FUT9: variants seen among roughly 807,000 people sequenced by gnomAD.
The protein encoded by FUT9 is 4-galactosyl-N-acetylglucosaminide 3-alpha-L-fucosyltransferase 9.
FUT9 carries 15 observed loss-of-function variants against 29.7 expected under a neutral mutation model. The ratio of observed to expected loss-of-function variants is 0.51; its 90% CI spans 0.34 to 0.78. The LOEUF is 0.78. Among genes scored for constraint, FUT9 ranks in the 30% least tolerant of loss-of-function variants. The pLI, the probability that FUT9 is intolerant of heterozygous loss-of-function variation, is 0.01. For missense variants in FUT9, 319 were observed against 425.4 expected (o/e 0.75, Z 2.20); for synonymous variants, 169 against 153.7 (o/e 1.10, Z -0.74).
At chr6:96,077,439 AT>A in intron 1 of FUT9, among the ~76,000 whole-genome samples, 1 of 152,118 alleles carries the variant, frequency 6.6e-6, no homozygotes, top group African/African-American at 2.4e-5. Context: ...AACTGTTCCT[AT>A]TTTTCCATAG....
chr6:96,036,711 C>G (rs564259088), intron 1 of FUT9: 4 of 151,794 alleles, frequency 2.6e-5, no homozygotes, highest in Non-Finnish European at 5.9e-5. Flanking sequence ...GATTAAAAAC[C>G]ATTGCTGTGG....
chr6:96,039,178 C>A (rs992207742), intron 1 of FUT9, among the ~76,000 whole-genome samples: 2 of 151,974 alleles, frequency 1.3e-5, no homozygotes, highest in African/African-American at 4.8e-5. Context: ...GATGTTTATT[C>A]AATTGAACTG....
Position 96,019,027 on chromosome 6 carries a change from G to C in FUT9, c.-98+2815G>C, listed in dbSNP as rs571414281. Among the ~76,000 whole-genome samples, 55 of 151,616 alleles carry C rather than the reference G, an allele frequency of 3.6e-4. 1 individual carries two copies. The South Asian group carries it at 4.2e-3, about 12-fold the overall frequency. ...AATTGTTTTCCCACTTGAATTTTAG[G>C]ATATGACTCCTTAATTATAGCAATA... On this transcript the variant is annotated intron_variant, in intron 1 of 2. Coordinates refer to ENST00000302103, the MANE Select transcript of FUT9 (RefSeq NM_006581.4).
intron 2 of FUT9, among the ~76,000 whole-genome samples, chr6:96,163,598 T>A (rs1294180562): frequency 1.3e-5 from 2 of 151,986 alleles, no homozygotes; most frequent in African/African-American, 4.8e-5. Context: ...GCCGATTTCC[T>A]TTTTTTTGTC....
intron 2 of FUT9, among the ~76,000 whole-genome samples, chr6:96,141,238 A>T (rs927118545): frequency 1.2e-4 from 19 of 152,220 alleles, no homozygotes; most frequent in Non-Finnish European, 1.8e-4. Flanking sequence ...TTAATGATAA[A>T]ATCTAGACAG....
At chr6:96,122,488 T>C (rs1479023539) in intron 2 of FUT9, among the ~76,000 whole-genome samples, 2 of 152,336 alleles carry the variant, frequency 1.3e-5, no homozygotes, top group East Asian at 3.9e-4. Context: ...ATTATTTGCC[T>C]ATGTTTCCTT....
intron 2 of FUT9, among the ~76,000 whole-genome samples, chr6:96,193,521 T>C (rs1205002874): frequency 1.3e-5 from 2 of 151,564 alleles, no homozygotes; most frequent in Non-Finnish European, 2.9e-5. Context: ...TCACACCAGT[T>C]AGAATGGCAA....
At chr6:96,181,784 T>G (rs1773313887) in intron 2 of FUT9, among the ~76,000 whole-genome samples, 1 of 152,060 alleles carries the variant, frequency 6.6e-6, no homozygotes, top group East Asian at 1.9e-4. Flanking sequence ...CTGAGTAGTA[T>G]TCCACCGTAT....
At chr6:96,126,095 C>T (rs1772129051) in intron 2 of FUT9, among the ~76,000 whole-genome samples, 1 of 152,216 alleles carries the variant, frequency 6.6e-6, no homozygotes, top group South Asian at 2.1e-4. Flanking sequence ...CTCATGTCGG[C>T]GCAGGTTAAA....
chr6:96,185,446 T>C (rs1348078556), intron 2 of FUT9, among the ~76,000 whole-genome samples: 1 of 152,078 alleles, frequency 6.6e-6, no homozygotes, highest in African/African-American at 2.4e-5. Flanking sequence ...GGCAGGTATA[T>C]GAATAATGTG....
intron 2 of FUT9, among the ~76,000 whole-genome samples, chr6:96,136,856 A>G (rs1772357878): frequency 6.6e-6 from 1 of 152,048 alleles, no homozygotes; most frequent in Non-Finnish European, 1.5e-5. Flanking sequence ...AATTTCACAA[A>G]TAACAAATTT....
At chr6:96,167,310 C>G (rs886910670) in intron 2 of FUT9, among the ~76,000 whole-genome samples, 5 of 152,042 alleles carry the variant, frequency 3.3e-5, no homozygotes, top group African/African-American at 1.2e-4. Flanking sequence ...CCTTGGCCAA[C>G]CTGATGGCAA....
intron 1 of FUT9, among the ~76,000 whole-genome samples, chr6:96,110,408 G>A (rs1771777636): frequency 6.6e-6 from 1 of 152,102 alleles, no homozygotes; most frequent in Non-Finnish European, 1.5e-5. Context: ...ATGCCACAGG[G>A]CCTCCTTGAC....
Position 96,211,320 on chromosome 6 carries a change from T to C in FUT9, c.*7085T>C, listed in dbSNP as rs1425454151. On this transcript the variant is annotated 3_prime_UTR_variant, in exon 3 of 3. Coordinates refer to ENST00000302103, the MANE Select transcript of FUT9 (RefSeq NM_006581.4). The stretch of plus-strand genomic sequence containing the variant: ...TTATGAGCAATCAGTAAATTTGTAG[T>C]CAATTTAACTTATTATCAGTTGGTA... The C allele has an allele frequency of 6.0e-6, 1 of 166,754 alleles. No individual in the cohort carries two copies. The highest frequency in any genetic ancestry group is 1.5e-5 in the Non-Finnish European group (1 of 67,978). The allele number at this position is 166,754 out of a possible 1,614,324, so 10.3% of individuals were successfully genotyped here.
chr6:96,210,665 A>G lies in FUT9; in HGVS notation c.*6430A>G, dbSNP rs998744405. The G allele has an allele frequency of 2.4e-5, 4 of 166,936 alleles. No homozygotes were observed. Among genetic ancestry groups the G allele is most frequent in the African/African-American group, 9.7e-5 (4 of 41,442 alleles). The allele number at this position is 166,936 out of a possible 1,614,324, so 10.3% of individuals were successfully genotyped here. A position where few individuals can be genotyped will look rare whatever the true frequency, so the allele number is the denominator to read the frequency against. On this transcript the variant is annotated 3_prime_UTR_variant, in exon 3 of 3. Coordinates refer to ENST00000302103, the MANE Select transcript of FUT9 (RefSeq NM_006581.4). ...ATGTTTATATTTTGCAACAGGAAAGACTGGTCTAGACAATTACTAGGATAT... is the reference window on the plus strand; with the variant it reads ...ATGTTTATATTTTGCAACAGGAAAGGCTGGTCTAGACAATTACTAGGATAT...
intron 2 of FUT9, among the ~76,000 whole-genome samples, chr6:96,180,840 C>T (rs928570608): frequency 6.6e-6 from 1 of 151,332 alleles, no homozygotes; most frequent in Non-Finnish European, 1.5e-5. Flanking sequence ...TGTTGATGGA[C>T]GCTTAGGTTA....
chr6:96,184,830 T>C (rs2127986961), intron 2 of FUT9, among the ~76,000 whole-genome samples: 1 of 152,242 alleles, frequency 6.6e-6, no homozygotes, highest in South Asian at 2.1e-4. Flanking sequence ...CATCTCTATT[T>C]TATACTTAAG....
chr6:96,116,146 AAAG>A (rs2127962716), intron 2 of FUT9, among the ~76,000 whole-genome samples: 1 of 152,332 alleles, frequency 6.6e-6, no homozygotes, highest in East Asian at 1.9e-4. Context: ...GAGCTTTACC[AAAG>A]AAGATGTATG....
In FUT9 at chr6:96,203,881, T is replaced by A; in HGVS notation, c.726T>A (p.Leu242=). The change falls in exon 3 of 3, where the codon CTT becomes CTA. Residue 242 remains leucine (L), a synonymous_variant. Transcript: ENST00000302103. The part of the protein sequence containing the change: ...IPTISTCKFY[L]SFENSIHKDY... ...CCATATCTACTTGTAAATTTTATCT[T>A]TCCTTTGAAAATTCAATCCACAAGG... 1 of 1,612,424 alleles carries A rather than the reference T, an allele frequency of 6.2e-7. No homozygotes were observed. Among genetic ancestry groups the A allele is most frequent in the Non-Finnish European group, 8.5e-7 (1 of 1,178,786 alleles).
Sources: allele counts gnomAD v4.1 joint callset (sites outside exome capture counted in the v4.1 genomes callset), GRCh38; gene constraint gnomAD v4.1.1; transcripts MANE v1.5; gene names NCBI Gene and HGNC (gene_info 2026-07-23, HGNC 2026-07-21).